The following SUN3 variants were observed in gnomAD, a reference collection of about 807,000 sequenced individuals.
SUN3 encodes Sad1 and UNC84 domain containing 3.
Under a neutral mutation model 48.2 loss-of-function variants are expected in SUN3, and 36 were observed. That is an observed-to-expected ratio of 0.75 (90% confidence interval 0.57 to 0.99). The LOEUF is 0.99. Among genes scored for constraint, SUN3 ranks in the 50% least tolerant of loss-of-function variants. SUN3 has a pLI of 0.00. For synonymous variants in SUN3, 148 were observed against 147.9 expected (o/e 1.00, Z 0.00); for missense variants, 419 against 433.1 (o/e 0.97, Z 0.29).
intron 2 of SUN3, among the ~76,000 whole-genome samples, chr7:48,018,854 G>C (rs1397369086): frequency 6.6e-6 from 1 of 152,080 alleles, no homozygotes; most frequent in East Asian, 1.9e-4. Context: ...TCTGACATTG[G>C]AATTACGAGA....
chr7:48,027,258 G>A (rs1179295095), intron 1 of SUN3, among the ~76,000 whole-genome samples: 1 of 152,124 alleles, frequency 6.6e-6, no homozygotes, highest in Non-Finnish European at 1.5e-5. Flanking sequence ...TGGGTGTTTG[G>A]GGCTATGATA....
chr7:48,030,600 A>G (rs1204389616), upstream of SUN3, among the ~76,000 whole-genome samples: 1 of 152,200 alleles, frequency 6.6e-6, no homozygotes, highest in Non-Finnish European at 1.5e-5. Context: ...ATTGTTTGAG[A>G]TAATCTTCCT....
chr7:47,989,438 C>T (rs1016428110), intron 8 of SUN3, among the ~76,000 whole-genome samples: 1 of 152,136 alleles, frequency 6.6e-6, no homozygotes, highest in African/African-American at 2.4e-5. Flanking sequence ...TTCTCTTGTG[C>T]TTTTTGTTCT....
intron 6 of SUN3, among the ~76,000 whole-genome samples, chr7:48,003,307 T>G (rs1292807474): frequency 6.6e-6 from 1 of 152,226 alleles, no homozygotes; most frequent in East Asian, 1.9e-4. Flanking sequence ...CCATGCTGTT[T>G]TGGTTACTGT....
chr7:48,026,181 C>T (rs1252927534), intron 1 of SUN3, among the ~76,000 whole-genome samples: 2 of 152,062 alleles, frequency 1.3e-5, no homozygotes, highest in Non-Finnish European at 2.9e-5. Flanking sequence ...ATGCCTCTTA[C>T]TTTCACATAT....
chr7:47,988,111 A>G (rs1445999110), intron 9 of SUN3, among the ~76,000 whole-genome samples: 1 of 152,238 alleles, frequency 6.6e-6, no homozygotes, highest in African/African-American at 2.4e-5. Flanking sequence ...TGAATACATA[A>G]TCAAATATGA....
chr7:47,995,660 T>A (rs1311571964), intron 7 of SUN3, among the ~76,000 whole-genome samples: 1 of 152,226 alleles, frequency 6.6e-6, no homozygotes, highest in Non-Finnish European at 1.5e-5. Context: ...AGTACAGTAC[T>A]GGCACTTAGG....
rs146410248 is a variant in SUN3, at chr7:47,991,002, CTACT to C, written c.862-2126_862-2123del. ...GCAGAGAAATACCTGTTGGGTATTA[CTACT>C]TACCGCCTGTATAACAAACCTGCAC... On this transcript the variant is annotated intron_variant, in intron 8 of 9. Transcript: ENST00000297325. The C allele has an allele frequency of 6.7e-3, 3,043 of 455,662 alleles. 18 individuals are homozygous for C. Among genetic ancestry groups the C allele is most frequent in the Non-Finnish European group, 9.6e-3 (2,187 of 226,770 alleles). 28.2% of individuals were successfully genotyped at this position (455,662 alleles called of 1,614,324 possible).
chr7:47,990,372 C>G (rs559595102), intron 8 of SUN3, among the ~76,000 whole-genome samples: 17 of 152,130 alleles, frequency 1.1e-4, no homozygotes, highest in Middle Eastern at 6.8e-3. Flanking sequence ...GACATTTGTT[C>G]ACATGTTTTC....
upstream of SUN3, among the ~76,000 whole-genome samples, chr7:48,032,648 AG>A (rs1365582644): frequency 6.6e-6 from 1 of 152,270 alleles, no homozygotes; most frequent in Non-Finnish European, 1.5e-5. Context: ...TCAGATTATC[AG>A]AAAAAAGCAC....
intron 4 of SUN3, among the ~76,000 whole-genome samples, chr7:48,008,647 T>C (rs17132019): frequency 0.02 from 3,076 of 152,286 alleles, 89 homozygotes; most frequent in African/African-American, 0.069. Flanking sequence ...AATGTTACTG[T>C]TTGGTGTTTA....
chr7:48,006,125 A>G (rs1039336326), intron 5 of SUN3, 72 bp from the exon 6 acceptor site: 200 of 1,143,738 alleles, frequency 1.7e-4, no homozygotes, highest in Non-Finnish European at 1.9e-4. Flanking sequence ...CATTCATTTT[A>G]TTGATTTGGA....
upstream of SUN3, among the ~76,000 whole-genome samples, chr7:48,033,219 C>T (rs1790275358): frequency 6.6e-6 from 1 of 152,130 alleles, no homozygotes; most frequent in Non-Finnish European, 1.5e-5. Context: ...TACCTACATT[C>T]TTGTCTGATC....
At chr7:48,007,659 G>T (rs1489637222) in intron 4 of SUN3, among the ~76,000 whole-genome samples, 1 of 152,058 alleles carries the variant, frequency 6.6e-6, no homozygotes, top group Non-Finnish European at 1.5e-5. Context: ...CTTTCCAATT[G>T]GGAACACCTT....
the SUN3 span, among the ~76,000 whole-genome samples, chr7:48,034,304 CA>C: frequency 4.1e-4 from 62 of 152,100 alleles, no homozygotes; most frequent in Non-Finnish European, 7.1e-4. Flanking sequence ...TTAATTCCTG[CA>C]CAAAAACTAT....
the SUN3 span, chr7:48,035,615 G>T: frequency 1.5e-6 from 1 of 689,396 alleles, no homozygotes; most frequent in South Asian, 1.5e-5. This position sits in a 1 kb window ranked among gnomAD's most constrained non-coding sequence, Gnocchi z 4.0. Flanking sequence ...CACCCACGGA[G>T]ACCCGCGGGG....
chr7:47,995,469 C>T lies in SUN3; in HGVS notation c.693+562G>A, dbSNP rs182983215. Among the ~76,000 whole-genome samples the T allele has an allele frequency of 2.6e-5, 4 of 152,278 alleles. No individual in the cohort carries two copies. In the East Asian group the frequency reaches 5.8e-4, roughly 22 times the overall value. ...GGAATAAGATCAGTGGGTTTTACCC[C>T]TGAAAGTTCTAAATTTGCAACTAAC... is the stretch of plus-strand genomic sequence containing the variant. On this transcript the variant is annotated intron_variant, in intron 7 of 9. Coordinates refer to ENST00000297325, the MANE Select transcript of SUN3 (RefSeq NM_001030019.2).
intron 4 of SUN3, among the ~76,000 whole-genome samples, chr7:48,008,497 C>T (rs752257099): frequency 6.6e-6 from 1 of 151,870 alleles, no homozygotes; most frequent in South Asian, 2.1e-4. Flanking sequence ...AACCATTGGC[C>T]TAATTTTCTT....
intron 2 of SUN3, among the ~76,000 whole-genome samples, chr7:48,021,287 G>T (rs562075234): frequency 6.6e-6 from 1 of 152,156 alleles, no homozygotes; most frequent in African/African-American, 2.4e-5. Context: ...TTAAATCTAA[G>T]ACTTTAGACT....
Sources: gnomAD v4.1 joint callset for allele counts (sites outside exome capture counted in the v4.1 genomes callset) on GRCh38, gnomAD v4.1.1 for gene constraint, Gnocchi (gnomAD v3.1) non-coding constraint, MANE v1.5 for transcripts, NCBI Gene and HGNC (gene_info 2026-07-23, HGNC 2026-07-21) for gene names.